Variants in FAM107B observed in about 807,000 individuals in gnomAD.
FAM107B encodes family with sequence similarity 107 member B.
FAM107B carries 21 observed loss-of-function variants against 31.5 expected under a neutral mutation model. The ratio of observed to expected loss-of-function variants is 0.67; its 90% CI spans 0.47 to 0.96. The LOEUF (loss-of-function observed/expected upper bound fraction) is 0.96, where lower values mean the gene tolerates loss of function less well. Ranked by LOEUF, FAM107B falls within the 40% of genes least tolerant of loss-of-function variation. FAM107B has a pLI of 0.00. For synonymous variants in FAM107B, 157 were observed against 141.5 expected, an observed-to-expected ratio of 1.11 and a Z score of -0.78; for missense variants, 452 against 377.1, an observed-to-expected ratio of 1.20 and a Z score of -1.64.
At chr10:14,646,843 G>C (rs1441921295) in intron 2 of FAM107B, among the ~76,000 whole-genome samples, 1 of 133,672 alleles carries the variant, frequency 7.5e-6, no homozygotes, top group African/African-American at 2.9e-5. Flanking sequence ...ACCCAGGCTG[G>C]AGTGCAGTGG....
chr10:14,595,970 C>T (rs1284813473), intron 2 of FAM107B, among the ~76,000 whole-genome samples: 1 of 152,224 alleles, frequency 6.6e-6, no homozygotes, highest in East Asian at 1.9e-4. Flanking sequence ...CCATCTCCTG[C>T]ACGCCCTGCT....
intron 2 of FAM107B, among the ~76,000 whole-genome samples, chr10:14,651,757 G>C (rs1321414927): frequency 6.6e-6 from 1 of 152,184 alleles, no homozygotes; most frequent in African/African-American, 2.4e-5. Flanking sequence ...GATTTTAATA[G>C]GCGAATAGAT....
chr10:14,743,898 T>C (rs1373039990), intron 1 of FAM107B, among the ~76,000 whole-genome samples: 1 of 152,190 alleles, frequency 6.6e-6, no homozygotes, highest in Non-Finnish European at 1.5e-5. Flanking sequence ...AGAATGTCAA[T>C]GGTAGTTTAA....
rs148842113 is a variant in FAM107B at position 14,570,434 on chromosome 10, G to A, written c.470-39919C>T. 5.9e-5 allele frequency among the ~76,000 whole-genome samples: 9 copies of A among 152,262 alleles called. No homozygotes were observed. The South Asian group carries it at 8.3e-4, about 14-fold the overall frequency. On this transcript the variant is annotated intron_variant, in intron 2 of 4. Coordinates refer to ENST00000181796, the MANE Select transcript of FAM107B (RefSeq NM_031453.4). ...CATTAAATCTCCTTAGACAAGTACC[G>A]ACAGGTACTGGAAATGCTGTTTCCA...
intron 1 of FAM107B, among the ~76,000 whole-genome samples, chr10:14,756,772 C>A (rs949129653): frequency 6.6e-6 from 1 of 152,068 alleles, no homozygotes; most frequent in Non-Finnish European, 1.5e-5. Flanking sequence ...AAATGCCCAT[C>A]AATGATAGAC....
intron 2 of FAM107B, among the ~76,000 whole-genome samples, chr10:14,590,128 G>C (rs777442935): frequency 6.6e-6 from 1 of 152,172 alleles, no homozygotes; most frequent in Non-Finnish European, 1.5e-5. Flanking sequence ...ACATCTAAGC[G>C]TTGGTTTATT....
rs1198353791 is a variant in FAM107B, at chr10:14,732,852, CATTAATATTAT to C, written c.411+41390_411+41400del. Reference sequence around the variant, plus strand: ...TATAATTATAATACATTATAGAATACATTAATATTATATTAATATTATATAATACAATTATA... The same window carrying C: ...TATAATTATAATACATTATAGAATACATTAATATTATATAATACAATTATA... On this transcript the variant is annotated intron_variant, in intron 1 of 4. Transcript: ENST00000181796. Among the ~76,000 whole-genome samples the C allele has an allele frequency of 3.4e-5, 5 of 144,960 alleles. No individual in the cohort carries two copies. The East Asian group carries it at 5.9e-4, about 17-fold the overall frequency.
chr10:14,693,425 C>T (rs539952880), intron 1 of FAM107B, among the ~76,000 whole-genome samples: 4 of 150,878 alleles, frequency 2.7e-5, no homozygotes, highest in South Asian at 2.1e-4. Flanking sequence ...TTGCAGTGAG[C>T]TGACATGGTG....
intron 1 of FAM107B, among the ~76,000 whole-genome samples, chr10:14,672,092 T>TTTTA (rs1554846850): frequency 2.3e-5 from 2 of 88,770 alleles, no homozygotes; most frequent in African/African-American, 1.0e-4. Context: ...TCTTTTTATT[T>TTTTA]TTTATTTATT....
intron 1 of FAM107B, among the ~76,000 whole-genome samples, chr10:14,758,873 G>GAAAA (rs57967855): frequency 1.4e-3 from 54 of 38,966 alleles, no homozygotes; most frequent in South Asian, 7.3e-3. Flanking sequence ...GACCCTCTCA[G>GAAAA]AAAAAAAAAA....
At chr10:14,554,820 G>A (rs970451957) in intron 2 of FAM107B, among the ~76,000 whole-genome samples, 1 of 152,192 alleles carries the variant, frequency 6.6e-6, no homozygotes, top group Non-Finnish European at 1.5e-5. Context: ...CAGAAGCAGC[G>A]ATGGGTGGTC....
chr10:14,712,846 C>A (rs1855685051), intron 1 of FAM107B, among the ~76,000 whole-genome samples: 2 of 152,148 alleles, frequency 1.3e-5, no homozygotes, highest in African/African-American at 4.8e-5. Flanking sequence ...GAACACGAGT[C>A]CAAAATTCAT....
chr10:14,713,644 A>T (rs1855712693), intron 1 of FAM107B, among the ~76,000 whole-genome samples: 1 of 152,240 alleles, frequency 6.6e-6, no homozygotes, highest in Non-Finnish European at 1.5e-5. Context: ...CAGCTCCTGC[A>T]AACATCCAGG....
intron 3 of FAM107B, chr10:14,522,258 C>T (rs976617945): frequency 4.4e-5 from 23 of 525,242 alleles, no homozygotes; most frequent in Non-Finnish European, 7.7e-5. Context: ...GTATTGGCCA[C>T]GTGCCATGTG....
At chr10:14,717,858 C>T (rs906310542) in intron 1 of FAM107B, among the ~76,000 whole-genome samples, 1 of 152,156 alleles carries the variant, frequency 6.6e-6, no homozygotes, top group Admixed American at 6.5e-5. Context: ...ATCTCAGAAA[C>T]AGACAGCTGA....
At chr10:14,583,826 A>G (rs1254432441) in intron 2 of FAM107B, among the ~76,000 whole-genome samples, 1 of 152,156 alleles carries the variant, frequency 6.6e-6, no homozygotes, top group African/African-American at 2.4e-5. Flanking sequence ...AACCCTGTTG[A>G]GCGCTCTCCT....
intron 1 of FAM107B, among the ~76,000 whole-genome samples, chr10:14,717,621 T>G (rs1206355502): frequency 2.0e-5 from 3 of 152,178 alleles, no homozygotes; most frequent in Admixed American, 6.5e-5. Flanking sequence ...AGCAAGCTGC[T>G]TCTCCCCAAT....
At chr10:14,730,239 T>C (rs947832388) in intron 1 of FAM107B, among the ~76,000 whole-genome samples, 3 of 152,200 alleles carry the variant, frequency 2.0e-5, no homozygotes, top group Admixed American at 6.5e-5. Context: ...TGGTTTCATA[T>C]CCGGAGATGG....
intron 1 of FAM107B, among the ~76,000 whole-genome samples, chr10:14,742,868 T>C (rs1470104473): frequency 2.0e-5 from 3 of 152,224 alleles, no homozygotes; most frequent in Non-Finnish European, 2.9e-5. Flanking sequence ...CTTACTGTAA[T>C]CTTCCTGGCC....
Sources: allele counts gnomAD v4.1 joint callset (sites outside exome capture counted in the v4.1 genomes callset), GRCh38; gene constraint gnomAD v4.1.1; transcripts MANE v1.5; gene names NCBI Gene and HGNC (gene_info 2026-07-23, HGNC 2026-07-21).